The following UBE3C variants were observed in gnomAD, a reference collection of about 807,000 sequenced individuals.
The protein encoded by UBE3C is ubiquitin-protein ligase E3C.
In UBE3C, 42 loss-of-function variants were observed where a neutral mutation model predicts 129.4. The ratio of observed to expected loss-of-function variants is 0.32; its 90% CI spans 0.25 to 0.42. The LOEUF is 0.42. UBE3C is among the 10% of genes least tolerant of loss of function. UBE3C has a pLI of 1.00. For synonymous variants in UBE3C, 510 were observed against 492.4 expected, an observed-to-expected ratio of 1.04 and a Z score of -0.47; for missense variants, 1,049 against 1,319.1, an observed-to-expected ratio of 0.80 and a Z score of 3.17.
chr7:157,212,944 G>C (rs913482947), intron 13 of UBE3C, among the ~76,000 whole-genome samples: 1 of 151,962 alleles, frequency 6.6e-6, no homozygotes, highest in African/African-American at 2.4e-5. Context: ...TTTTTGTAGA[G>C]ATAGGGTTTC....
At chr7:157,171,686 ATTTTTTT>A (rs77471740) in intron 4 of UBE3C, among the ~76,000 whole-genome samples, 574 of 37,470 alleles carry the variant, frequency 0.015, 12 homozygotes, top group Non-Finnish European at 0.025. Context: ...ATATATATAT[ATTTTTTT>A]TTTTTTTTTT....
Position 157,139,451 on chromosome 7 carries a change from G to A in UBE3C, c.66+113G>A, listed in dbSNP as rs542277027. The A allele has an allele frequency of 4.6e-3, 4,697 of 1,025,490 alleles. 33 individuals carry two copies. The highest frequency in any genetic ancestry group is 0.019 in the South Asian group (856 of 44,554). The allele number at this position is 1,025,490 out of a possible 1,614,324, so 63.5% of individuals were successfully genotyped here. On this transcript the variant is annotated intron_variant, in intron 1 of 22. Coordinates refer to ENST00000348165, the MANE Select transcript of UBE3C (RefSeq NM_014671.3). ...GACTCGGGGCCGAGACTTGGGGCTG[G>A]ATTCGGGGCCTCCCTGGCGGGGACT...
At chr7:157,209,573 A>G (rs748536561) in intron 13 of UBE3C, among the ~76,000 whole-genome samples, 1 of 152,162 alleles carries the variant, frequency 6.6e-6, no homozygotes, top group African/African-American at 2.4e-5. Flanking sequence ...ACGGTAGCAT[A>G]TTTGTTTTCC....
chr7:157,254,032 G>A lies in UBE3C; in HGVS notation c.2773G>A (p.Asp925Asn). ...GATTGCGTACATCCACTTGGTGGCAGACTACAGGCTGAACAGGCAGATCCG... is the reference window on the plus strand; with the variant it reads ...GATTGCGTACATCCACTTGGTGGCAAACTACAGGCTGAACAGGCAGATCCG... ...NRIAYIHLVA[D>N]YRLNRQIRQH... The change falls in exon 20 of 23, where the codon GAC becomes AAC. Residue 925 changes from aspartate to asparagine, a missense_variant. Coordinates refer to ENST00000348165, the MANE Select transcript of UBE3C (RefSeq NM_014671.3). 6.2e-7 allele frequency: 1 copy of A among 1,613,632 alleles called. No individual in the cohort carries two copies. Among genetic ancestry groups the A allele is most frequent in the Non-Finnish European group, 8.5e-7 (1 of 1,179,842 alleles).
At chr7:157,203,623 A>G (rs996447301) in intron 11 of UBE3C, among the ~76,000 whole-genome samples, 2 of 152,190 alleles carry the variant, frequency 1.3e-5, no homozygotes, top group Non-Finnish European at 2.9e-5. Flanking sequence ...AAATGGAGTC[A>G]TGGTGTGTGA....
Position 157,158,275 on chromosome 7 carries a change from C to T in UBE3C, c.67-5535C>T, listed in dbSNP as rs571544229. Among the ~76,000 whole-genome samples, 408 of 152,168 alleles carry T rather than the reference C, an allele frequency of 2.7e-3. 5 individuals are homozygous for T. The highest frequency in any genetic ancestry group is 9.6e-3 in the African/African-American group (399 of 41,526). On this transcript the variant is annotated intron_variant, in intron 1 of 22. Transcript: ENST00000348165. ...TGAAGCCTTTTGAAAACCAGTTTTTCATGGACTGGCCGAGAGAGGGAACCT... is the reference window on the plus strand; with the variant it reads ...TGAAGCCTTTTGAAAACCAGTTTTTTATGGACTGGCCGAGAGAGGGAACCT...
At chr7:157,238,891 A>G (rs1584812006) in intron 18 of UBE3C, among the ~76,000 whole-genome samples, 3 of 152,222 alleles carry the variant, frequency 2.0e-5, no homozygotes, top group Admixed American at 2.0e-4. Context: ...TTCAGGTGCC[A>G]AATAAAGACA....
intron 18 of UBE3C, among the ~76,000 whole-genome samples, chr7:157,232,808 G>A (rs1421388606): frequency 2.0e-5 from 3 of 152,238 alleles, no homozygotes; most frequent in Non-Finnish European, 4.4e-5. Flanking sequence ...GGAGTCGCCT[G>A]TTTTGAGAAG....
intron 1 of UBE3C, among the ~76,000 whole-genome samples, chr7:157,145,336 G>A (rs2116792126): frequency 6.6e-6 from 1 of 152,078 alleles, no homozygotes; most frequent in African/African-American, 2.4e-5. Context: ...TGGTCAACAT[G>A]GTGATACTCT....
chr7:157,247,419 G>A lies in UBE3C; in HGVS notation c.2482-949G>A, dbSNP rs145417774. On this transcript the variant is annotated intron_variant, in intron 18 of 22. Transcript: ENST00000348165. Reference sequence around the variant, plus strand: ...TTATTAGAAAACTTTTGGCCGGGCAGGATGGCTCACACCTATAATCCCAGC... The same window carrying A: ...TTATTAGAAAACTTTTGGCCGGGCAAGATGGCTCACACCTATAATCCCAGC... Among the ~76,000 whole-genome samples the A allele has an allele frequency of 5.3e-3, 809 of 152,268 alleles. 5 individuals carry two copies. Among genetic ancestry groups the A allele is most frequent in the Non-Finnish European group, 6.7e-3 (453 of 68,024 alleles).
At chr7:157,177,785 A>G (rs6977213) in intron 5 of UBE3C, among the ~76,000 whole-genome samples, 10,163 of 152,210 alleles carry the variant, frequency 0.067, 456 homozygotes, top group African/African-American at 0.12. Flanking sequence ...AGCCGTGTAG[A>G]CACACCCCAC....
rs1808485710 is a variant in UBE3C at position 157,175,162 on chromosome 7, G to A, written c.458+128G>A. On this transcript the variant is annotated intron_variant, in intron 5 of 22. Transcript: ENST00000348165. The stretch of plus-strand genomic sequence containing the variant: ...CTTTTTTTTTTTTTTTTTTTTTGAG[G>A]TCATGGACTTCTGTATATATTACAA... 1.6e-5 allele frequency: 6 copies of A among 381,216 alleles called. 1 individual carries two copies. In the South Asian group the frequency reaches 2.6e-4, roughly 16 times the overall value. 23.6% of individuals were successfully genotyped at this position (381,216 alleles called of 1,614,324 possible).
At chr7:157,146,498 G>C (rs1240396383) in intron 1 of UBE3C, among the ~76,000 whole-genome samples, 1 of 152,088 alleles carries the variant, frequency 6.6e-6, no homozygotes, top group Non-Finnish European at 1.5e-5. Context: ...TGGGATTACA[G>C]GCATGAGCCC....
rs1163935960 is a variant in UBE3C at position 157,198,351 on chromosome 7, C to T, written c.1332-3370C>T. The T allele has an allele frequency of 6.4e-6, 5 of 778,096 alleles. No individual in the cohort carries two copies. The African/African-American group carries it at 8.5e-5, about 13-fold the overall frequency. The allele number at this position is 778,096 out of a possible 1,614,324, so 48.2% of individuals were successfully genotyped here. On this transcript the variant is annotated intron_variant, in intron 10 of 22. Transcript: ENST00000348165. ...TTCACTTCATCTTCATACAGTTCTT[C>T]CAAGGCCAGTTTATTTCTTGATATG...
At chr7:157,148,513 A>G (rs914829182) in intron 1 of UBE3C, among the ~76,000 whole-genome samples, 5 of 152,030 alleles carry the variant, frequency 3.3e-5, no homozygotes, top group African/African-American at 1.2e-4. Flanking sequence ...AATTGAAGGG[A>G]TTACCTAGTT....
Position 157,267,624 on chromosome 7 carries a change from G to A in UBE3C, c.3121G>A (p.Asp1041Asn), listed in dbSNP as rs1180258033. The change falls in exon 23 of 23, where the codon GAC becomes AAC. Residue 1041 changes from aspartate (D) to asparagine (N), a missense_variant. Asp to Asn is a conservative substitution (Grantham distance 23). Around this residue, in one of 4 missense-constraint regions of UBE3C, gnomAD observed 243 missense variants for 368.7 expected, o/e 0.66. Transcript: ENST00000348165. ...PAFCIHNGGS[D>N]LERLPTASTC... ...ATTTTGTATTCACAACGGAGGCTCCGACCTTGAGCGGCTCCCCACAGCCAG... is the reference window on the plus strand; with the variant it reads ...ATTTTGTATTCACAACGGAGGCTCCAACCTTGAGCGGCTCCCCACAGCCAG... The A allele has an allele frequency of 4.3e-6, 7 of 1,613,202 alleles. No individual in the cohort carries two copies. The highest frequency in any genetic ancestry group is 1.1e-5 in the South Asian group (1 of 90,886).
intron 1 of UBE3C, among the ~76,000 whole-genome samples, chr7:157,156,504 A>T (rs938798899): frequency 8.6e-5 from 13 of 151,540 alleles, no homozygotes; most frequent in Admixed American, 8.6e-4. Flanking sequence ...ACAGGGTTTC[A>T]CTACGTTGGC....
chr7:157,176,643 T>C (rs1279802244), intron 5 of UBE3C, among the ~76,000 whole-genome samples: 1 of 152,240 alleles, frequency 6.6e-6, no homozygotes, highest in East Asian at 1.9e-4. Context: ...CAGTAAGGTC[T>C]CATGTATTTT....
At chr7:157,245,604 A>G (rs940178628) in intron 18 of UBE3C, among the ~76,000 whole-genome samples, 27 of 152,034 alleles carry the variant, frequency 1.8e-4, no homozygotes, top group African/African-American at 6.5e-4. Context: ...CTTTTTTGCT[A>G]TCTTTTCAAA....
Sources: allele counts gnomAD v4.1 joint callset (sites outside exome capture counted in the v4.1 genomes callset), GRCh38; gene constraint gnomAD v4.1.1; regional missense constraint gnomAD v4.1.1; transcripts MANE v1.5; gene names NCBI Gene and HGNC (gene_info 2026-07-23, HGNC 2026-07-21).